LRP1: variants seen among roughly 807,000 people sequenced by gnomAD.
LRP1 encodes LDL receptor related protein 1.
Under a neutral mutation model 541.5 loss-of-function variants are expected in LRP1, and 51 were observed. The observed-to-expected ratio is 0.09, with a 90% CI of 0.08 to 0.12. LRP1 has a LOEUF of 0.12. Among genes scored for constraint, LRP1 ranks in the 10% least tolerant of loss-of-function variants. The pLI is 1.00. For missense variants in LRP1, 3,878 were observed against 6,376.2 expected, an observed-to-expected ratio of 0.61 and a Z score of 13.34; for synonymous variants, 2,219 against 2,470.8, an observed-to-expected ratio of 0.90 and a Z score of 3.02.
rs1206421415 is a variant in LRP1, at chr12:57,211,669, G to C, written c.13193+81G>C. 3 of 1,585,918 alleles carry C rather than the reference G, an allele frequency of 1.9e-6. No homozygotes were observed. In the African/African-American group the frequency reaches 4.0e-5, roughly 21 times the overall value. On this transcript the variant is annotated intron_variant, in intron 85 of 88. Coordinates refer to ENST00000243077, the MANE Select transcript of LRP1 (RefSeq NM_002332.3). This position sits in a 1 kb window ranked among gnomAD's most constrained non-coding sequence, Gnocchi z 4.3. ...TGAGCAGGAGGACCGTCAGGCCTCA[G>C]TGCCCACCCCCCGCCCTGTTTTCCT... is the stretch of plus-strand genomic sequence containing the variant.
chr12:57,180,891 A>G (rs2036151684), intron 33 of LRP1, 84 bp downstream of exon 33: 6 of 1,565,392 alleles, frequency 3.8e-6, no homozygotes, highest in Middle Eastern at 2.0e-4. Context: ...GCCATGGGGC[A>G]AGGGAGTAAG....
chr12:57,183,375 T>G lies in LRP1; in HGVS notation c.5663-4T>G. 1 of 1,595,544 alleles carries G rather than the reference T, an allele frequency of 6.3e-7. No individual in the cohort carries two copies. Among genetic ancestry groups the G allele is most frequent in the Non-Finnish European group, 8.6e-7 (1 of 1,165,354 alleles). On this transcript the variant is annotated splice_region_variant and splice_polypyrimidine_tract_variant and intron_variant, in intron 34 of 88. Coordinates refer to ENST00000243077, the MANE Select transcript of LRP1 (RefSeq NM_002332.3). This position sits in a 1 kb window ranked among gnomAD's most constrained non-coding sequence, Gnocchi z 6.1. ...CCCATGCCTTAAGTTTCCTTGTCTT[T>G]CAGGCGTAGGTTCCTTTCTCCTGTA... is the stretch of plus-strand genomic sequence containing the variant.
At chr12:57,193,383 G>A in intron 46 of LRP1, 79 bp downstream of exon 46, 1 of 1,571,290 alleles carries the variant, frequency 6.4e-7, no homozygotes, top group Non-Finnish European at 8.6e-7. Context: ...GCAGGATGGA[G>A]CAGGATCAGG....
In LRP1 at chr12:57,178,316, A is replaced by G; in HGVS notation, c.4362-43A>G. On this transcript the variant is annotated intron_variant, in intron 26 of 88. Coordinates refer to ENST00000243077, the MANE Select transcript of LRP1 (RefSeq NM_002332.3). The surrounding 1 kb of genome is among the most constrained non-coding windows in gnomAD (Gnocchi z 5.8). ...CACCTGGGCAGAGCTCTGAGGGCTG[A>G]GATCCCAGCTGGCATCCTCATTCTG... 6.3e-7 allele frequency: 1 copy of G among 1,586,666 alleles called. No individual in the cohort carries two copies. The highest frequency in any genetic ancestry group is 1.2e-5 in the South Asian group (1 of 85,680).
chr12:57,201,545 G>C lies in LRP1; in HGVS notation c.10394G>C (p.Arg3465Pro). ...PNQFQCSITK[R>P]CIPRVWVCDR... Reference sequence around the variant, plus strand: ...CAGTTCCAGTGCTCCATTACCAAACGGTGCATCCCCCGGGTCTGGGTCTGC... The same window carrying C: ...CAGTTCCAGTGCTCCATTACCAAACCGTGCATCCCCCGGGTCTGGGTCTGC... The change falls in exon 66 of 89, where the codon CGG (arginine) becomes CCG (proline). Residue 3465 changes from arginine (R) to proline (P), a missense_variant. Arg to Pro is a moderately radical substitution (Grantham distance 103). This residue lies in a region of LRP1 where 278 missense variants were observed against 536.3 expected (regional missense o/e 0.52). Transcript: ENST00000243077. This position sits in a 1 kb window ranked among gnomAD's most constrained non-coding sequence, Gnocchi z 6.4. 6.2e-7 allele frequency: 1 copy of C among 1,614,014 alleles called. No homozygotes were observed. Among genetic ancestry groups the C allele is most frequent in the Non-Finnish European group, 8.5e-7 (1 of 1,179,978 alleles).
Position 57,150,189 on chromosome 12 carries a change from CTTTT to C in LRP1, c.842-4002_842-3999del, listed in dbSNP as rs769778868. On this transcript the variant is annotated intron_variant, in intron 6 of 88. Transcript: ENST00000243077. ...GAGCCTGTAACAGGAAAACTTCCTT[CTTTT>C]TTTTTTTTTTTTTTTTGAGATGGAG... 1.3e-3 allele frequency: 121 copies of C among 92,874 alleles called. 3 individuals carry two copies. Among genetic ancestry groups the C allele is most frequent in the African/African-American group, 5.7e-3 (111 of 19,498 alleles). The allele number at this position is 92,874 out of a possible 1,614,324, so 5.8% of individuals were successfully genotyped here.
rs1405673006 is a variant in LRP1, at chr12:57,211,406, C to T, written c.13091+56C>T. 1 of 1,608,974 alleles carries T rather than the reference C, an allele frequency of 6.2e-7. No individual in the cohort carries two copies. The highest frequency in any genetic ancestry group is 1.1e-5 in the South Asian group (1 of 90,918). On this transcript the variant is annotated intron_variant, in intron 84 of 88. Transcript: ENST00000243077. The surrounding 1 kb of genome is among the most constrained non-coding windows in gnomAD (Gnocchi z 4.3). ...CAGCTGGGCCCCTGCCCTGTCCTAG[C>T]CCTGCCCTGCCCCTCCCTTCCTCAG...
chr12:57,179,678 C>T lies in LRP1; in HGVS notation c.4967-104C>T, dbSNP rs1331126016. ...CCAGTCCTGTTCCCCCTCAGTGCTC[C>T]AGCCTGGTTTCCTGATCCCTTTTCT... On this transcript the variant is annotated intron_variant, in intron 29 of 88. Transcript: ENST00000243077. The surrounding 1 kb of genome is among the most constrained non-coding windows in gnomAD (Gnocchi z 6.8). 1.2e-5 allele frequency: 17 copies of T among 1,410,226 alleles called. No homozygotes were observed. Among genetic ancestry groups the T allele is most frequent in the Non-Finnish European group, 1.6e-5 (16 of 1,012,022 alleles). 87.4% of individuals were successfully genotyped at this position (1,410,226 alleles called of 1,614,324 possible). A position where few individuals can be genotyped will look rare whatever the true frequency, so the allele number is the denominator to read the frequency against.
chr12:57,135,758 ATC>A (rs1249996910), intron 1 of LRP1, among the ~76,000 whole-genome samples: 1 of 152,026 alleles, frequency 6.6e-6, no homozygotes, highest in Non-Finnish European at 1.5e-5. Flanking sequence ...TGGTTTGTGA[ATC>A]TCTCTCATTC....
chr12:57,152,600 C>T (rs1226160557), intron 6 of LRP1, among the ~76,000 whole-genome samples: 1 of 152,172 alleles, frequency 6.6e-6, no homozygotes, highest in Admixed American at 6.5e-5. Flanking sequence ...TCCTACAGGG[C>T]CTTGGCCTCC....
At position 57,205,641 on chromosome 12, in the gene LRP1, A is replaced by G. The variant is rs2036760645; in HGVS notation, c.11554A>G (p.Asn3852Asp). Residue 3852 changes from asparagine to aspartate, a missense_variant, in exon 75 of 89, where the codon AAC (asparagine) becomes GAC (aspartate). Physicochemically the swap from Asn to Asp is conservative, Grantham distance 23. Transcript: ENST00000243077. The surrounding 1 kb of genome is among the most constrained non-coding windows in gnomAD (Gnocchi z 4.6). ...KGGHLCSCARNFMKTHNTCKA... is the reference protein window; with the variant it reads ...KGGHLCSCARDFMKTHNTCKA... ...CGGCCACCTCTGCAGCTGCGCTCGG[A>G]ACTTCATGAAGACGCACAACACCTG... The G allele has an allele frequency of 6.2e-7, 1 of 1,613,038 alleles. No individual in the cohort carries two copies. The highest frequency in any genetic ancestry group is 1.7e-5 in the Admixed American group (1 of 60,010).
rs764721574 is a variant in LRP1 at position 57,205,115 on chromosome 12, C to A, written c.11201C>A (p.Pro3734His). Residue 3734 changes from proline (P) to histidine (H), a missense_variant, in exon 73 of 89, where the codon CCC (proline) becomes CAC (histidine). Around this residue, in one of 13 missense-constraint regions of LRP1, gnomAD observed 871 missense variants for 1,212.4 expected, o/e 0.72. Transcript: ENST00000243077. The surrounding 1 kb of genome is among the most constrained non-coding windows in gnomAD (Gnocchi z 4.6). ...DGTDEEDCEP[P>H]TAHTTHCKDK... ...AAGCCTCTGCCCTCCTCAGAGCCCC[C>A]CACAGCCCACACCACCCACTGCAAA... The A allele has an allele frequency of 1.9e-6, 3 of 1,613,340 alleles. No individual in the cohort carries two copies. Among genetic ancestry groups the A allele is most frequent in the Non-Finnish European group, 2.5e-6 (3 of 1,179,724 alleles).
At chr12:57,207,595 A>AG (rs2036812188) in intron 76 of LRP1, among the ~76,000 whole-genome samples, 1 of 151,778 alleles carries the variant, frequency 6.6e-6, no homozygotes, top group African/African-American at 2.4e-5. Flanking sequence ...AGAGTGGGGC[A>AG]GGGGGCAGTC....
In LRP1 at chr12:57,173,289, G is replaced by T. The variant is rs1280821075; in HGVS notation, c.3285G>T (p.Lys1095Asn). The change falls in exon 21 of 89, where the codon AAG becomes AAT. Residue 1095 changes from lysine to asparagine, a missense_variant. Physicochemically the swap from Lys to Asn is moderately conservative, Grantham distance 94 (BLOSUM62 0). Transcript: ENST00000243077. The surrounding 1 kb of genome is among the most constrained non-coding windows in gnomAD (Gnocchi z 4.7). ...DTDCMDSSDE[K>N]SCEGVTHVCD... The stretch of plus-strand genomic sequence containing the variant: ...ACTGCATGGACTCCAGCGATGAGAA[G>T]AGCTGTGAGGGAGTGACCCACGTCT... The T allele has an allele frequency of 6.2e-7, 1 of 1,614,142 alleles. No homozygotes were observed. The highest frequency in any genetic ancestry group is 8.5e-7 in the Non-Finnish European group (1 of 1,180,028).
chr12:57,175,877 T>C (rs2036036233), intron 23 of LRP1, 32 bp from the exon 24 acceptor site: 1 of 1,611,148 alleles, frequency 6.2e-7, no homozygotes, highest in African/African-American at 1.3e-5. Context: ...AGCTAGCCCC[T>C]TGCTGACCCC....
chr12:57,140,676 T>G (rs562306558), intron 2 of LRP1, among the ~76,000 whole-genome samples: 1 of 152,276 alleles, frequency 6.6e-6, no homozygotes, highest in Non-Finnish European at 1.5e-5. Context: ...GAGTTTTTCT[T>G]TATCATTGGA....
intron 13 of LRP1, among the ~76,000 whole-genome samples, chr12:57,161,527 T>C (rs1296939913): frequency 1.3e-5 from 2 of 152,170 alleles, no homozygotes; most frequent in African/African-American, 2.4e-5. Flanking sequence ...TGGGTTGTCA[T>C]GTGCTTCACG....
Position 57,210,344 on chromosome 12 carries a change from C to T in LRP1, c.12618C>T (p.Asn4206=), listed in dbSNP as rs75259516. The T allele has an allele frequency of 7.3e-5, 116 of 1,587,108 alleles. No individual in the cohort carries two copies. The highest frequency in any genetic ancestry group is 8.7e-5 in the Non-Finnish European group (101 of 1,166,616). The change falls in exon 82 of 89, where the codon AAC becomes AAT. Residue 4206 remains asparagine (N), a synonymous_variant. Coordinates refer to ENST00000243077, the MANE Select transcript of LRP1 (RefSeq NM_002332.3). The part of the protein sequence containing the change: ...RPGTCNLQCF[N]GGSCFLNARR... ...GAACCTGTAACCTGCAGTGCTTCAA[C>T]GGTGGCAGCTGTTTCCTCAATGCAC...
chr12:57,209,222 AGTCCCCAGCCCT>A (rs1271712389), intron 79 of LRP1, 23 bp downstream of exon 79: 1 of 1,588,936 alleles, frequency 6.3e-7, no homozygotes. Context: ...CATAAGTCGC[AGTCCCCAGCCCT>A]GTCCCCAGCC....
Sources: allele counts gnomAD v4.1 joint callset (sites outside exome capture counted in the v4.1 genomes callset), GRCh38; gene constraint gnomAD v4.1.1; regional missense constraint gnomAD v4.1.1; non-coding constraint Gnocchi (gnomAD v3.1); transcripts MANE v1.5; gene names NCBI Gene and HGNC (gene_info 2026-07-23, HGNC 2026-07-21).